The following TMCC1 variants were observed in gnomAD, a reference collection of about 807,000 sequenced individuals.
TMCC1 encodes the protein transmembrane and coiled-coil domain family 1.
TMCC1 carries 15 observed loss-of-function variants against 52.4 expected under a neutral mutation model. The observed-to-expected ratio is 0.29, with a 90% CI of 0.19 to 0.44. The LOEUF (loss-of-function observed/expected upper bound fraction) is 0.44, where lower values mean the gene tolerates loss of function less well. Ranked by LOEUF, TMCC1 falls within the 20% of genes least tolerant of loss-of-function variation. The probability of loss-of-function intolerance (pLI) is 1.00; values close to 1 mark genes in which losing one functional copy is unlikely to be tolerated. For missense variants in TMCC1, 503 were observed against 806.0 expected (o/e 0.62, Z 4.55); for synonymous variants, 279 against 301.9 (o/e 0.92, Z 0.79).
intron 1 of TMCC1, among the ~76,000 whole-genome samples, chr3:129,891,237 A>T (rs562078144): frequency 1.3e-5 from 2 of 152,210 alleles, no homozygotes; most frequent in Admixed American, 1.3e-4. Context: ...TATTTTCTTC[A>T]TAATTCATAT....
intron 4 of TMCC1, among the ~76,000 whole-genome samples, chr3:129,788,581 G>C (rs1359887735): frequency 3.3e-5 from 5 of 151,988 alleles, no homozygotes; most frequent in African/African-American, 1.2e-4. Context: ...TCCTGCCTCA[G>C]CCTCCCCAGT....
In TMCC1 at chr3:129,798,944, A is replaced by G. The variant is rs185463744; in HGVS notation, c.576+28859T>C. 1.2e-3 allele frequency among the ~76,000 whole-genome samples: 183 copies of G among 152,348 alleles called. 1 individual carries two copies. Among genetic ancestry groups the G allele is most frequent in the African/African-American group, 4.3e-3 (180 of 41,582 alleles). On this transcript the variant is annotated intron_variant, in intron 4 of 6. Coordinates refer to ENST00000393238, the MANE Select transcript of TMCC1 (RefSeq NM_001017395.5). ...GATTCTTTTGGCAATCCCACAATAA[A>G]TAACAATACAGATAGCATATTTTAT... is the stretch of plus-strand genomic sequence containing the variant.
chr3:129,758,714 G>A (rs184979827), intron 4 of TMCC1, among the ~76,000 whole-genome samples: 165 of 152,212 alleles, frequency 1.1e-3, no homozygotes, highest in African/African-American at 3.6e-3. Flanking sequence ...CATCCTAACC[G>A]TTTCTAAGTA....
At chr3:129,681,901 G>A (rs1334827595) in intron 4 of TMCC1, among the ~76,000 whole-genome samples, 3 of 140,310 alleles carry the variant, frequency 2.1e-5, no homozygotes, top group Non-Finnish European at 3.0e-5. Flanking sequence ...GTGAGACTTC[G>A]TCTCAAAAAA....
chr3:129,754,203 A>G (rs546473746), intron 4 of TMCC1, among the ~76,000 whole-genome samples: 15 of 152,314 alleles, frequency 9.8e-5, no homozygotes, highest in Admixed American at 2.0e-4. Flanking sequence ...TATGTGAAAA[A>G]CTACAAAACA....
chr3:129,699,062 AG>A, intron 4 of TMCC1, among the ~76,000 whole-genome samples: 1 of 152,288 alleles, frequency 6.6e-6, no homozygotes, highest in South Asian at 2.1e-4. Context: ...TTTGAAAAAA[AG>A]GAAAGAAACT....
At chr3:129,767,395 G>C (rs1192675634) in intron 4 of TMCC1, among the ~76,000 whole-genome samples, 1 of 151,124 alleles carries the variant, frequency 6.6e-6, no homozygotes, top group African/African-American at 2.4e-5. Flanking sequence ...TTAAATTGGA[G>C]ACGGTATTGC....
chr3:129,772,934 T>C (rs182827236), intron 4 of TMCC1, among the ~76,000 whole-genome samples: 19 of 152,186 alleles, frequency 1.2e-4, no homozygotes, highest in African/African-American at 2.9e-4. Context: ...TCAGAAACTG[T>C]TGGTAGGAAT....
At position 129,702,786 on chromosome 3, in the gene TMCC1, C is replaced by T. The variant is rs1046265165; in HGVS notation, c.577-31522G>A. Among the ~76,000 whole-genome samples the T allele has an allele frequency of 3.3e-5, 5 of 152,218 alleles. No homozygotes were observed. The East Asian group carries it at 7.7e-4, about 23-fold the overall frequency. ...TCCATGTAAAAACAAGGATTTGAGGCGGGTAGATCACTGGATATCAGGAGT... is the reference window on the plus strand; with the variant it reads ...TCCATGTAAAAACAAGGATTTGAGGTGGGTAGATCACTGGATATCAGGAGT... On this transcript the variant is annotated intron_variant, in intron 4 of 6. Transcript: ENST00000393238.
At chr3:129,677,921 T>C (rs1335509150) in intron 4 of TMCC1, among the ~76,000 whole-genome samples, 1 of 152,184 alleles carries the variant, frequency 6.6e-6, no homozygotes, top group Non-Finnish European at 1.5e-5. Context: ...TGTCCAACAG[T>C]CGGTTCATTT....
chr3:129,861,166 C>T (rs557376696), intron 2 of TMCC1, among the ~76,000 whole-genome samples: 6 of 152,210 alleles, frequency 3.9e-5, no homozygotes, highest in East Asian at 1.9e-4. Flanking sequence ...GGTGGCCGGG[C>T]GCAGTGGCTC....
intron 4 of TMCC1, among the ~76,000 whole-genome samples, chr3:129,696,634 G>A (rs975472551): frequency 1.3e-5 from 2 of 152,184 alleles, no homozygotes; most frequent in Admixed American, 6.5e-5. Context: ...ATAGTCCAAA[G>A]TCTCATGTGA....
At chr3:129,741,073 C>G (rs911720540) in intron 4 of TMCC1, among the ~76,000 whole-genome samples, 2 of 152,076 alleles carry the variant, frequency 1.3e-5, no homozygotes, top group African/African-American at 4.8e-5. Flanking sequence ...GTATCCTATT[C>G]CCTTTCCATA....
At chr3:129,728,864 C>A (rs2050318619) in intron 4 of TMCC1, among the ~76,000 whole-genome samples, 1 of 152,138 alleles carries the variant, frequency 6.6e-6, no homozygotes, top group African/African-American at 2.4e-5. Flanking sequence ...AACACAATGT[C>A]TTTGAGATGC....
At chr3:129,662,031 T>C (rs1033049991) in intron 5 of TMCC1, among the ~76,000 whole-genome samples, 8 of 151,938 alleles carry the variant, frequency 5.3e-5, no homozygotes, top group East Asian at 1.9e-4. Flanking sequence ...AGCCAAACAG[T>C]AGGGGAGAAA....
At chr3:129,663,916 A>G (rs1039787551) in intron 5 of TMCC1, among the ~76,000 whole-genome samples, 3 of 152,168 alleles carry the variant, frequency 2.0e-5, no homozygotes, top group Non-Finnish European at 4.4e-5. Flanking sequence ...TACAATAAAT[A>G]TCATTACATT....
intron 2 of TMCC1, among the ~76,000 whole-genome samples, chr3:129,872,009 G>A (rs896993316): frequency 1.3e-5 from 2 of 152,218 alleles, no homozygotes; most frequent in African/African-American, 4.8e-5. Context: ...ACTGCTGATT[G>A]TAAAATAATT....
At chr3:129,832,892 T>G (rs2058981781) in intron 2 of TMCC1, 66 bp from the exon 3 acceptor site, 1 of 152,342 alleles carries the variant, frequency 6.6e-6, no homozygotes, top group East Asian at 1.9e-4. Flanking sequence ...CTTTTACAGA[T>G]ATGCAGAAAA....
intron 4 of TMCC1, among the ~76,000 whole-genome samples, chr3:129,812,213 G>C (rs567899463): frequency 1.3e-5 from 2 of 151,246 alleles, no homozygotes; most frequent in Non-Finnish European, 2.9e-5. Context: ...GTGGTGGCAC[G>C]CACCTGTAAT....
Sources: allele counts gnomAD v4.1 joint callset (sites outside exome capture counted in the v4.1 genomes callset), GRCh38; gene constraint gnomAD v4.1.1; transcripts MANE v1.5; gene names NCBI Gene and HGNC (gene_info 2026-07-23, HGNC 2026-07-21).